The following AGBL4 variants were observed in gnomAD, a reference collection of about 807,000 sequenced individuals.
AGBL4 encodes AGBL carboxypeptidase 4.
AGBL4 carries 58 observed loss-of-function variants against 66.4 expected under a neutral mutation model. That is an observed-to-expected ratio of 0.87 (90% CI 0.71 to 1.09). The LOEUF is 1.09. Ranked by LOEUF, AGBL4 falls within the 50% of genes least tolerant of loss-of-function variation. The pLI is 0.00. For missense variants in AGBL4, 579 were observed against 631.0 expected (o/e 0.92, Z 0.88); for synonymous variants, 234 against 222.9 (o/e 1.05, Z -0.44).
intron 8 of AGBL4, among the ~76,000 whole-genome samples, chr1:48,638,743 A>T (rs1400129448): frequency 6.6e-6 from 1 of 152,216 alleles, no homozygotes; most frequent in African/African-American, 2.4e-5. Flanking sequence ...CAAGGATGCC[A>T]TCTTATTCAT....
chr1:49,065,100 C>T (rs1376531479), intron 4 of AGBL4, among the ~76,000 whole-genome samples: 3 of 152,128 alleles, frequency 2.0e-5, no homozygotes, highest in African/African-American at 7.2e-5. Context: ...CATTCAATTG[C>T]TTTTTTGGTT....
chr1:48,633,829 T>C (rs1239709172), intron 9 of AGBL4, among the ~76,000 whole-genome samples: 2 of 152,246 alleles, frequency 1.3e-5, no homozygotes, highest in African/African-American at 4.8e-5. Flanking sequence ...TTGTTCTGTC[T>C]GCCTATGTCC....
chr1:48,762,785 C>T (rs1166694191), intron 6 of AGBL4, among the ~76,000 whole-genome samples: 7 of 152,038 alleles, frequency 4.6e-5, no homozygotes, highest in African/African-American at 1.2e-4. Context: ...TACTCAAATG[C>T]TGAATCTTCT....
chr1:49,584,434 T>C (rs78239151), intron 3 of AGBL4, among the ~76,000 whole-genome samples: 2 of 152,204 alleles, frequency 1.3e-5, no homozygotes, highest in East Asian at 3.9e-4. Flanking sequence ...TATCATTTTA[T>C]TAAATACTCT....
At chr1:49,075,605 T>G (rs1363368708) in intron 4 of AGBL4, among the ~76,000 whole-genome samples, 4 of 152,178 alleles carry the variant, frequency 2.6e-5, no homozygotes, top group Non-Finnish European at 2.9e-5. Context: ...TATACTAAAG[T>G]GCCATTCTAT....
chr1:48,703,247 G>A (rs917789122), intron 6 of AGBL4, among the ~76,000 whole-genome samples: 1 of 152,150 alleles, frequency 6.6e-6, no homozygotes, highest in African/African-American at 2.4e-5. Flanking sequence ...GATAAAGGCA[G>A]AGATGCAAAG....
intron 3 of AGBL4, among the ~76,000 whole-genome samples, chr1:49,667,229 CA>C (rs1646388619): frequency 6.6e-6 from 1 of 152,022 alleles, no homozygotes. Flanking sequence ...AAGGCCAAGG[CA>C]GGTAGATCAC....
intron 5 of AGBL4, among the ~76,000 whole-genome samples, chr1:48,948,331 T>A (rs1656693421): frequency 6.6e-6 from 1 of 152,202 alleles, no homozygotes; most frequent in Admixed American, 6.5e-5. Flanking sequence ...TTCCTTTGCC[T>A]TCTCAGCCTG....
At chr1:49,941,204 CAAAGA>C (rs917391833) in intron 1 of AGBL4, among the ~76,000 whole-genome samples, 2 of 152,084 alleles carry the variant, frequency 1.3e-5, no homozygotes, top group Non-Finnish European at 2.9e-5. Flanking sequence ...AGTCTCCCGT[CAAAGA>C]AAAGTATAGA....
intron 1 of AGBL4, among the ~76,000 whole-genome samples, chr1:49,873,550 G>A (rs943535592): frequency 1.5e-4 from 23 of 152,164 alleles, no homozygotes; most frequent in Admixed American, 7.2e-4. Context: ...ATTGCCACAG[G>A]TAGCTACTCT....
At chr1:49,288,660 C>T (rs534278906) in intron 3 of AGBL4, among the ~76,000 whole-genome samples, 2 of 152,262 alleles carry the variant, frequency 1.3e-5, no homozygotes, top group Admixed American at 6.5e-5. Flanking sequence ...TTTCAACAGT[C>T]TCAAAGTGCT....
intron 3 of AGBL4, among the ~76,000 whole-genome samples, chr1:49,416,344 A>G (rs1242575901): frequency 6.6e-6 from 1 of 152,112 alleles, no homozygotes; most frequent in African/African-American, 2.4e-5. Flanking sequence ...TAGAACATCA[A>G]TTATGATTTG....
intron 5 of AGBL4, among the ~76,000 whole-genome samples, chr1:48,932,319 G>T (rs969108725): frequency 6.6e-6 from 1 of 152,138 alleles, no homozygotes; most frequent in East Asian, 1.9e-4. Context: ...TTAAAAAAAT[G>T]TGTTCCTTTA....
At chr1:49,112,532 A>G (rs1337335831) in intron 4 of AGBL4, among the ~76,000 whole-genome samples, 1 of 152,202 alleles carries the variant, frequency 6.6e-6, no homozygotes, top group Non-Finnish European at 1.5e-5. Context: ...ATACTGTTTG[A>G]CAGCATTTTA....
intron 3 of AGBL4, among the ~76,000 whole-genome samples, chr1:49,447,150 G>C (rs1216324751): frequency 6.6e-6 from 1 of 152,146 alleles, no homozygotes; most frequent in Non-Finnish European, 1.5e-5. Flanking sequence ...TCAATGGTCA[G>C]AAAATCTCAT....
intron 6 of AGBL4, among the ~76,000 whole-genome samples, chr1:48,794,542 T>C (rs1455896621): frequency 6.6e-6 from 1 of 152,224 alleles, no homozygotes; most frequent in Non-Finnish European, 1.5e-5. Flanking sequence ...CTACCGAACC[T>C]ACTCTCCAAA....
chr1:48,666,019 TGGGGCTAATAAAAATCAAGCATCTCG>T (rs1646181417), intron 6 of AGBL4, among the ~76,000 whole-genome samples: 2 of 152,290 alleles, frequency 1.3e-5, no homozygotes, highest in African/African-American at 4.8e-5. Flanking sequence ...AATGATAACA[TGGGGCTAATAAAAATCAAGCATCTCG>T]GGTGCTAATA....
At chr1:49,238,271 T>C (rs1288439318) in intron 4 of AGBL4, among the ~76,000 whole-genome samples, 1 of 152,188 alleles carries the variant, frequency 6.6e-6, no homozygotes, top group Non-Finnish European at 1.5e-5. Flanking sequence ...ATTTTTAGTC[T>C]CACTCTCTCC....
intron 5 of AGBL4, among the ~76,000 whole-genome samples, chr1:48,950,387 C>T (rs970447431): frequency 5.9e-5 from 9 of 152,140 alleles, no homozygotes; most frequent in Non-Finnish European, 8.8e-5. Flanking sequence ...CGTGAGCCAC[C>T]GCACCTGGCC....
Sources: allele counts gnomAD v4.1 joint callset (sites outside exome capture counted in the v4.1 genomes callset), GRCh38; gene constraint gnomAD v4.1.1; transcripts MANE v1.5; gene names NCBI Gene and HGNC (gene_info 2026-07-23, HGNC 2026-07-21).